Variants in MYO5B observed in about 807,000 individuals in gnomAD.
The protein encoded by MYO5B is unconventional myosin-Vb.
A neutral mutation model predicts 229.3 loss-of-function variants in MYO5B; 143 were observed. The observed-to-expected ratio is 0.62, with a 90% CI of 0.54 to 0.72. MYO5B has a LOEUF of 0.72. Ranked by LOEUF, MYO5B falls within the 30% of genes least tolerant of loss-of-function variation. The pLI, the probability that MYO5B is intolerant of heterozygous loss-of-function variation, is 0.00. For synonymous variants in MYO5B, 918 were observed against 885.2 expected (o/e 1.04, Z -0.66); for missense variants, 2,321 against 2,331.0 (o/e 1.00, Z 0.09).
chr18:49,916,781 C>T (rs571174348), intron 17 of MYO5B, among the ~76,000 whole-genome samples: 10 of 152,218 alleles, frequency 6.6e-5, no homozygotes, highest in African/African-American at 1.9e-4. Context: ...TGTCGCTCCC[C>T]GAAGGACCCA....
chr18:50,006,597 C>G (rs761287387), intron 4 of MYO5B, among the ~76,000 whole-genome samples: 3 of 152,230 alleles, frequency 2.0e-5, no homozygotes, highest in African/African-American at 7.2e-5. Context: ...CACTGGCCCC[C>G]CCTTCTGTGA....
At chr18:49,900,302 T>C (rs2024827106) in intron 21 of MYO5B, among the ~76,000 whole-genome samples, 1 of 152,242 alleles carries the variant, frequency 6.6e-6, no homozygotes, top group African/African-American at 2.4e-5. Context: ...TGCACTCTTT[T>C]CCCTCTGAGT....
chr18:50,184,780 T>C (rs1436471694), intron 1 of MYO5B, among the ~76,000 whole-genome samples: 2 of 152,126 alleles, frequency 1.3e-5, no homozygotes, highest in Non-Finnish European at 2.9e-5. Flanking sequence ...GACTCATGCC[T>C]ATAATCCCAG....
At chr18:50,065,567 G>A (rs2030799348) in intron 1 of MYO5B, among the ~76,000 whole-genome samples, 1 of 152,140 alleles carries the variant, frequency 6.6e-6, no homozygotes, top group South Asian at 2.1e-4. Context: ...GCAGCATGGG[G>A]AAAACTGCCC....
At chr18:50,019,532 G>T (rs1229051543) in intron 4 of MYO5B, among the ~76,000 whole-genome samples, 3 of 152,210 alleles carry the variant, frequency 2.0e-5, no homozygotes, top group African/African-American at 7.2e-5. Context: ...TTGAAAAACA[G>T]TCACTCACAC....
intron 34 of MYO5B, 130 bp from the exon 35 acceptor site, chr18:49,841,584 A>G: frequency 1.2e-6 from 1 of 823,520 alleles, no homozygotes; most frequent in Non-Finnish European, 2.1e-6. Flanking sequence ...TGGGCAGGGC[A>G]CTTGCCAGTC....
chr18:50,083,338 T>G (rs180675508), intron 1 of MYO5B, among the ~76,000 whole-genome samples: 110 of 152,230 alleles, frequency 7.2e-4, no homozygotes, highest in Non-Finnish European at 1.3e-3. Context: ...ATTGACTCAA[T>G]CTCCAGCCCC....
chr18:49,915,942 C>T (rs1215275246), intron 17 of MYO5B, among the ~76,000 whole-genome samples: 1 of 152,108 alleles, frequency 6.6e-6, no homozygotes, highest in African/African-American at 2.4e-5. Flanking sequence ...GTGGAAGAAA[C>T]CATATGAAAA....
At chr18:50,025,723 C>T (rs2026323731) in intron 4 of MYO5B, among the ~76,000 whole-genome samples, 1 of 152,148 alleles carries the variant, frequency 6.6e-6, no homozygotes, top group African/African-American at 2.4e-5. Context: ...GATGGAATGG[C>T]CACCTTCTCT....
At chr18:49,902,407 C>A (rs1304293063) in intron 21 of MYO5B, among the ~76,000 whole-genome samples, 187 bp downstream of exon 21, 2 of 152,212 alleles carry the variant, frequency 1.3e-5, no homozygotes, top group African/African-American at 2.4e-5. Flanking sequence ...CTCACAGATC[C>A]CAGGGCTGAG....
chr18:49,864,250 T>G lies in MYO5B; in HGVS notation c.3734A>C (p.Asn1245Thr). 3 of 1,614,158 alleles carry G rather than the reference T, an allele frequency of 1.9e-6. No homozygotes were observed. The highest frequency in any genetic ancestry group is 2.5e-6 in the Non-Finnish European group (3 of 1,180,032). ...CTCCTCGTGGGCCAGCTTGAGCTGG[T>G]TCAGCAGGAGGCTGTAGCTATCTGG... ...GSPDSYSLLL[N>T]QLKLAHEELE... Residue 1245 changes from asparagine to threonine, a missense_variant, in exon 28 of 40, where the codon AAC (asparagine) becomes ACC (threonine). Asn to Thr is a moderately conservative substitution (Grantham distance 65). Coordinates refer to ENST00000285039, the MANE Select transcript of MYO5B (RefSeq NM_001080467.3).
chr18:50,062,636 C>T (rs559555599), intron 1 of MYO5B, among the ~76,000 whole-genome samples: 4 of 152,314 alleles, frequency 2.6e-5, no homozygotes, highest in African/African-American at 9.6e-5. Context: ...GCACCCCCTC[C>T]CAGTAGAACT....
At chr18:49,842,719 G>A (rs78772273) in intron 34 of MYO5B, among the ~76,000 whole-genome samples, 127 of 152,284 alleles carry the variant, frequency 8.3e-4, no homozygotes, top group East Asian at 5.8e-3. Context: ...TGGCATTCCC[G>A]AGCACCTTTA....
Position 49,826,591 on chromosome 18 carries a change from T to C in MYO5B, c.5427A>G (p.Gln1809=), listed in dbSNP as rs753675796. Residue 1809 remains glutamine (Q), a synonymous_variant, in exon 40 of 40, where the codon CAA becomes CAG. Transcript: ENST00000285039. The part of the protein sequence containing the change: ...AQLQERNDPQ[Q]LLLDAKHMFP... ...ACATGTGCTTGGCATCTAATAGCAGTTGCTGAGGGTCATTCCGCTCTTGTA... is the reference window on the plus strand; with the variant it reads ...ACATGTGCTTGGCATCTAATAGCAGCTGCTGAGGGTCATTCCGCTCTTGTA... 60 of 1,613,694 alleles carry C rather than the reference T, an allele frequency of 3.7e-5. No individual in the cohort carries two copies. Among genetic ancestry groups the C allele is most frequent in the Non-Finnish European group, 5.1e-5 (60 of 1,179,932 alleles).
chr18:49,904,267 C>CT (rs142772678), intron 20 of MYO5B, among the ~76,000 whole-genome samples: 2 of 152,306 alleles, frequency 1.3e-5, no homozygotes, highest in East Asian at 3.9e-4. Flanking sequence ...ATTAGAGCTG[C>CT]TTGTTAAAAG....
intron 1 of MYO5B, among the ~76,000 whole-genome samples, chr18:50,193,911 CT>C (rs1270801541): frequency 4.6e-5 from 7 of 152,246 alleles, no homozygotes; most frequent in Non-Finnish European, 7.3e-5. Context: ...ACAGCAACTG[CT>C]GCGGAACGCG....
intron 16 of MYO5B, among the ~76,000 whole-genome samples, chr18:49,935,060 G>GT (rs1281536825): frequency 2.0e-5 from 3 of 152,128 alleles, no homozygotes; most frequent in Non-Finnish European, 2.9e-5. Flanking sequence ...GTGAGAGGAT[G>GT]TTTTTTAAAG....
At chr18:50,035,252 T>C (rs1251887917) in intron 4 of MYO5B, among the ~76,000 whole-genome samples, 1 of 152,208 alleles carries the variant, frequency 6.6e-6, no homozygotes, top group Non-Finnish European at 1.5e-5. Context: ...TGGAAACTTC[T>C]GACACACCTA....
At chr18:49,932,880 T>C (rs1261421442) in intron 16 of MYO5B, among the ~76,000 whole-genome samples, 3 of 152,136 alleles carry the variant, frequency 2.0e-5, no homozygotes, top group African/African-American at 4.8e-5. Flanking sequence ...CTTTCACTAT[T>C]AGGTGACTAG....
Sources: allele counts gnomAD v4.1 joint callset (sites outside exome capture counted in the v4.1 genomes callset), GRCh38; gene constraint gnomAD v4.1.1; transcripts MANE v1.5; gene names NCBI Gene and HGNC (gene_info 2026-07-23, HGNC 2026-07-21).